The following HOMER2 variants were observed in gnomAD, a reference collection of about 807,000 sequenced individuals.
HOMER2 encodes homer protein homolog 2.
Under a neutral mutation model 47.0 loss-of-function variants are expected in HOMER2, and 27 were observed. The observed-to-expected ratio is 0.57, with a 90% confidence interval of 0.42 to 0.79. The LOEUF is 0.79. Among genes scored for constraint, HOMER2 ranks in the 30% least tolerant of loss-of-function variants. The pLI is 0.00. For missense variants in HOMER2, 443 were observed against 435.0 expected (o/e 1.02, Z -0.16); for synonymous variants, 161 against 163.8 (o/e 0.98, Z 0.13).
At chr15:82,837,112 T>C (rs1015145625) in exon 2 of HOMER2, 1 of 152,430 alleles carries the variant, frequency 6.6e-6, no homozygotes, top group African/African-American at 2.4e-5. Context: ...CCCTGTTCCT[T>C]GGCTTGTGGC....
chr15:82,936,767 G>A (rs1005053187), intron 1 of HOMER2, among the ~76,000 whole-genome samples: 1 of 151,370 alleles, frequency 6.6e-6, no homozygotes, highest in African/African-American at 2.4e-5. Context: ...TTTTGAGATG[G>A]GGTTTCTCCA....
At chr15:82,899,807 G>C (rs1471977486) in intron 1 of HOMER2, among the ~76,000 whole-genome samples, 1 of 152,174 alleles carries the variant, frequency 6.6e-6, no homozygotes, top group East Asian at 1.9e-4. Context: ...CGGATCACTT[G>C]AGGTCAGGAG....
chr15:82,868,867 A>AT (rs1491206580), intron 3 of HOMER2, among the ~76,000 whole-genome samples: 1 of 139,956 alleles, frequency 7.1e-6, no homozygotes, highest in Non-Finnish European at 1.6e-5. Flanking sequence ...ATATATATAT[A>AT]TTTAGACCTA....
At chr15:82,880,131 G>A (rs955055843) in intron 2 of HOMER2, among the ~76,000 whole-genome samples, 1 of 152,222 alleles carries the variant, frequency 6.6e-6, no homozygotes, top group South Asian at 2.1e-4. Flanking sequence ...GCCAAATCTA[G>A]CCTATGGCCT....
rs141172774 is a variant in HOMER2, at chr15:82,889,650, T to C, written c.162+3035A>G. Among the ~76,000 whole-genome samples, 295 of 152,084 alleles carry C rather than the reference T, an allele frequency of 1.9e-3. 2 individuals are homozygous for C. Among genetic ancestry groups the C allele is most frequent in the African/African-American group, 6.8e-3 (283 of 41,492 alleles). ...CTCAGGGAGATGAGGACCTTAGTAA[T>C]GGGTGGGGAAGGGGCAAGCCGCGGG... On this transcript the variant is annotated intron_variant, in intron 2 of 8. Transcript: ENST00000450735.
At chr15:82,965,338 G>T (rs1225598070) in intron 1 of HOMER2, among the ~76,000 whole-genome samples, 1 of 152,138 alleles carries the variant, frequency 6.6e-6, no homozygotes, top group Non-Finnish European at 1.5e-5. Context: ...TAAATTAGAT[G>T]AATTTATTCG....
chr15:82,892,405 A>G (rs1403783793), intron 2 of HOMER2, among the ~76,000 whole-genome samples: 3 of 152,206 alleles, frequency 2.0e-5, no homozygotes, highest in African/African-American at 7.2e-5. Flanking sequence ...ATAGCAAAAC[A>G]TTGGAAGCCA....
intron 5 of HOMER2, among the ~76,000 whole-genome samples, chr15:82,855,968 G>A (rs1239055949): frequency 6.6e-6 from 1 of 152,174 alleles, no homozygotes; most frequent in Non-Finnish European, 1.5e-5. Context: ...CCATGGGGAG[G>A]TTTCCGCCTG....
intron 4 of HOMER2, among the ~76,000 whole-genome samples, chr15:82,862,056 T>A (rs1477042084): frequency 2.7e-5 from 4 of 147,260 alleles, no homozygotes; most frequent in African/African-American, 1.0e-4. Context: ...AAAACAAAAA[T>A]AGTCTTTCTC....
In HOMER2 at chr15:82,849,517, C is replaced by T; in HGVS notation, c.*198G>A. Reference sequence around the variant, plus strand: ...TCCTGAGTCAGAATCTTCCAGTTGTCCACAACCTCACAAGGCCAGAGAAGC... The same window carrying T: ...TCCTGAGTCAGAATCTTCCAGTTGTTCACAACCTCACAAGGCCAGAGAAGC... On this transcript the variant is annotated 3_prime_UTR_variant, in exon 9 of 9. Transcript: ENST00000450735. 3.4e-6 allele frequency: 2 copies of T among 579,840 alleles called. No individual in the cohort carries two copies. Among genetic ancestry groups the T allele is most frequent in the South Asian group, 4.6e-5 (2 of 43,212 alleles). 35.9% of individuals were successfully genotyped at this position (579,840 alleles called of 1,614,324 possible).
At chr15:82,866,358 C>CAG (rs1567022032) in intron 3 of HOMER2, among the ~76,000 whole-genome samples, 1 of 152,226 alleles carries the variant, frequency 6.6e-6, no homozygotes, top group African/African-American at 2.4e-5. Context: ...AATGCCTCTA[C>CAG]CCCCATTGTA....
At chr15:82,976,454 C>T (rs2030204853) in intron 1 of HOMER2, among the ~76,000 whole-genome samples, 1 of 152,010 alleles carries the variant, frequency 6.6e-6, no homozygotes, top group South Asian at 2.1e-4. Flanking sequence ...CCCACCACCA[C>T]ACCCAGCTAA....
At position 82,849,749 on chromosome 15, in the gene HOMER2, C is replaced by T. The variant is rs746045063; in HGVS notation, c.998G>A (p.Arg333His). 5.6e-5 allele frequency: 91 copies of T among 1,613,698 alleles called. No individual in the cohort carries two copies. The highest frequency in any genetic ancestry group is 7.3e-5 in the Non-Finnish European group (86 of 1,179,826). Residue 333 changes from arginine (R) to histidine (H), a missense_variant, in exon 9 of 9, where the codon CGC becomes CAC. Arg to His is a conservative substitution (Grantham distance 29). Transcript: ENST00000450735. ...DGKIDDLHDF[R>H]RGLSKLGTDN ...GGTGCCCAGCTTGGAGAGCCCTCGG[C>T]GGAAGTCATGCAGGTCGTCAATCTT...
At chr15:82,874,751 T>A (rs1390954445) in intron 3 of HOMER2, among the ~76,000 whole-genome samples, 1 of 152,234 alleles carries the variant, frequency 6.6e-6, no homozygotes, top group African/African-American at 2.4e-5. Flanking sequence ...CTGACGTTGA[T>A]GGCTGTCAGA....
At chr15:82,952,397 A>G in intron 1 of HOMER2, 134 bp downstream of exon 1, 1 of 577,100 alleles carries the variant, frequency 1.7e-6, no homozygotes, top group Non-Finnish European at 2.4e-6. Context: ...TCCCGGGCGC[A>G]GAGTGTGCGC....
chr15:82,975,041 G>C (rs1341963199), intron 1 of HOMER2, among the ~76,000 whole-genome samples: 7 of 152,212 alleles, frequency 4.6e-5, no homozygotes, highest in African/African-American at 1.4e-4. Flanking sequence ...CTGCACTCCA[G>C]CCTGGGCAAC....
intron 1 of HOMER2, among the ~76,000 whole-genome samples, chr15:82,911,580 C>A (rs1360817508): frequency 6.6e-6 from 1 of 152,168 alleles, no homozygotes; most frequent in Admixed American, 6.5e-5. Context: ...TGCAGACATA[C>A]CTCAAAAGAG....
At chr15:82,857,823 C>G (rs2051639761) in intron 5 of HOMER2, among the ~76,000 whole-genome samples, 4 of 152,186 alleles carry the variant, frequency 2.6e-5, no homozygotes, top group Admixed American at 2.6e-4. Flanking sequence ...CCCTGGCCAG[C>G]AGAAAGCCCT....
At chr15:82,967,540 G>A (rs946255100) in intron 1 of HOMER2, among the ~76,000 whole-genome samples, 3 of 152,116 alleles carry the variant, frequency 2.0e-5, no homozygotes, top group African/African-American at 7.2e-5. Context: ...GGTTTATTAT[G>A]CTGTTCTACT....
Sources: gnomAD v4.1 joint callset for allele counts (sites outside exome capture counted in the v4.1 genomes callset) on GRCh38, gnomAD v4.1.1 for gene constraint, MANE v1.5 for transcripts, NCBI Gene and HGNC (gene_info 2026-07-23, HGNC 2026-07-21) for gene names.